DAGLA: variants seen among roughly 807,000 people sequenced by gnomAD.
DAGLA encodes the protein diacylglycerol lipase-alpha.
DAGLA carries 22 observed loss-of-function variants against 102.6 expected under a neutral mutation model. That is an observed-to-expected ratio of 0.21 (90% CI 0.15 to 0.31). The LOEUF is 0.31. DAGLA is among the 10% of genes least tolerant of loss of function. The pLI, the probability that DAGLA is intolerant of heterozygous loss-of-function variation, is 1.00. For missense variants in DAGLA, 927 were observed against 1,446.6 expected (o/e 0.64, Z 5.83); for synonymous variants, 578 against 628.9 (o/e 0.92, Z 1.21).
chr11:61,730,678 C>T (rs1481151783), intron 8 of DAGLA, among the ~76,000 whole-genome samples: 1 of 152,236 alleles, frequency 6.6e-6, no homozygotes, highest in Non-Finnish European at 1.5e-5. Flanking sequence ...TGCTGGGCCT[C>T]AGACACACTG....
At chr11:61,685,226 C>T (rs190019510) in intron 1 of DAGLA, among the ~76,000 whole-genome samples, 87 of 152,250 alleles carry the variant, frequency 5.7e-4, no homozygotes, top group African/African-American at 7.2e-4. Flanking sequence ...GTAAAACCTC[C>T]GAGAGCCGAA....
At chr11:61,705,570 G>A (rs1027946501) in intron 1 of DAGLA, among the ~76,000 whole-genome samples, 1 of 152,190 alleles carries the variant, frequency 6.6e-6, no homozygotes, top group Non-Finnish European at 1.5e-5. Context: ...AGTTCTATAG[G>A]CAGCCTCCCC....
intron 1 of DAGLA, among the ~76,000 whole-genome samples, chr11:61,690,664 T>A (rs954420345): frequency 6.6e-6 from 1 of 152,138 alleles, no homozygotes; most frequent in Admixed American, 6.5e-5. Flanking sequence ...AGGGAATCTG[T>A]TAGAGGCTGC....
chr11:61,731,138 A>G (rs986284622), intron 8 of DAGLA, among the ~76,000 whole-genome samples, 179 bp from the exon 9 acceptor site: 1 of 152,160 alleles, frequency 6.6e-6, no homozygotes, highest in African/African-American at 2.4e-5. Flanking sequence ...GGGAAATGCA[A>G]TTATCACCTG....
intron 1 of DAGLA, 72 bp from the exon 2 acceptor site, chr11:61,720,040 G>A: frequency 1.9e-6 from 2 of 1,056,948 alleles, no homozygotes; most frequent in Admixed American, 4.1e-5. Flanking sequence ...TGGTCCCGTG[G>A]CCCAAGGAAT....
chr11:61,710,632 A>G (rs2065187073), intron 1 of DAGLA, among the ~76,000 whole-genome samples: 1 of 152,022 alleles, frequency 6.6e-6, no homozygotes, highest in South Asian at 2.1e-4. Context: ...CTCCCTTTCC[A>G]AGAAGGCAAG....
At chr11:61,698,566 C>T (rs1317570436) in intron 1 of DAGLA, among the ~76,000 whole-genome samples, 1 of 152,150 alleles carries the variant, frequency 6.6e-6, no homozygotes, top group Non-Finnish European at 1.5e-5. Flanking sequence ...GAAAGGAAAC[C>T]TCGTACCCCA....
At chr11:61,737,030 A>G in intron 13 of DAGLA, 152 bp from the exon 14 acceptor site, 5 of 1,029,774 alleles carry the variant, frequency 4.9e-6, no homozygotes, top group Middle Eastern at 2.2e-4. Flanking sequence ...GTGGGGCCCT[A>G]TCTTGGTTCT....
rs773398416 is a variant in DAGLA at position 61,735,648 on chromosome 11, C to T, written c.1212+4C>T. 2.9e-5 allele frequency: 47 copies of T among 1,613,800 alleles called. No homozygotes were observed. Among genetic ancestry groups the T allele is most frequent in the Admixed American group, 2.3e-4 (14 of 59,992 alleles). On this transcript the variant is annotated splice_donor_region_variant and intron_variant, in intron 11 of 19. Coordinates refer to ENST00000257215, the MANE Select transcript of DAGLA (RefSeq NM_006133.3). ...CCGGGGGACCCTGTCCCCCAAGGTACGCTGCCCATGGCTCCCAGCCCCCGG... is the reference window on the plus strand; with the variant it reads ...CCGGGGGACCCTGTCCCCCAAGGTATGCTGCCCATGGCTCCCAGCCCCCGG...
In DAGLA at chr11:61,744,301, G is replaced by A. The variant is rs753200690; in HGVS notation, c.2941G>A (p.Asp981Asn). Residue 981 changes from aspartate (D) to asparagine (N), a missense_variant, in exon 20 of 20, where the codon GAC (aspartate) becomes AAC (asparagine). This residue lies in a region of DAGLA where 434 missense variants were observed against 503.3 expected (regional missense o/e 0.86). Transcript: ENST00000257215. ...KPPRLFAGSA[D>N]PSSGISLSPS... ...CCCACGGCTCTTTGCCGGCTCAGCC[G>A]ACCCCTCCTCGGGCATCTCACTCTC... is the stretch of plus-strand genomic sequence containing the variant. 23 of 1,612,556 alleles carry A rather than the reference G, an allele frequency of 1.4e-5. No homozygotes were observed. The South Asian group carries it at 1.6e-4, about 12-fold the overall frequency.
In DAGLA at chr11:61,741,119, G is replaced by C. The variant is rs368402656; in HGVS notation, c.1984-43G>C. ...CCACATCGGCCCCACGATGGGGCCT[G>C]ATGTCCCTCCACCACCCCCAGCCTC... On this transcript the variant is annotated intron_variant, in intron 18 of 19. Coordinates refer to ENST00000257215, the MANE Select transcript of DAGLA (RefSeq NM_006133.3). The C allele has an allele frequency of 5.7e-6, 9 of 1,566,170 alleles. No individual in the cohort carries two copies. The Admixed American group carries it at 1.0e-4, about 18-fold the overall frequency.
intron 1 of DAGLA, among the ~76,000 whole-genome samples, chr11:61,692,330 G>A (rs1011419633): frequency 1.3e-5 from 2 of 152,154 alleles, no homozygotes; most frequent in African/African-American, 4.8e-5. Context: ...GCACACTTGA[G>A]CAGTCCTGGC....
At position 61,731,306 on chromosome 11, in the gene DAGLA, C is replaced by T. The variant is rs1185607020; in HGVS notation, c.850-11C>T. On this transcript the variant is annotated splice_polypyrimidine_tract_variant and intron_variant, in intron 8 of 19. Transcript: ENST00000257215. ...GCAGGAGGTGACCGCCCTCTGCCTC[C>T]TCTCTTCTAGCAAGAGATGCTCCGC... 1.2e-6 allele frequency: 2 copies of T among 1,613,414 alleles called. No homozygotes were observed. The highest frequency in any genetic ancestry group is 3.3e-5 in the Admixed American group (2 of 60,000).
At position 61,734,806 on chromosome 11, in the gene DAGLA, C is replaced by G. The variant is rs778170121; in HGVS notation, c.975-43C>G. On this transcript the variant is annotated intron_variant, in intron 9 of 19. Coordinates refer to ENST00000257215, the MANE Select transcript of DAGLA (RefSeq NM_006133.3). This position sits in a 1 kb window ranked among gnomAD's most constrained non-coding sequence, Gnocchi z 4.2. ...CAGTGGCAGGAGACATTTGTTCCCT[C>G]GGGGACTCCCTGGCCCTGAACTCTC... The G allele has an allele frequency of 1.9e-6, 3 of 1,579,206 alleles. No individual in the cohort carries two copies. The South Asian group carries it at 3.4e-5, about 18-fold the overall frequency.
Position 61,740,567 on chromosome 11 carries a change from A to T in DAGLA, c.1958A>T (p.Tyr653Phe), listed in dbSNP as rs772752017. The T allele has an allele frequency of 6.2e-7, 1 of 1,613,714 alleles. No individual in the cohort carries two copies. Among genetic ancestry groups the T allele is most frequent in the Non-Finnish European group, 8.5e-7 (1 of 1,179,936 alleles). Residue 653 changes from tyrosine (Y) to phenylalanine (F), a missense_variant, in exon 18 of 20, where the codon TAT becomes TTT. Around this residue, in one of 4 missense-constraint regions of DAGLA, gnomAD observed 218 missense variants for 459.6 expected, o/e 0.47. Coordinates refer to ENST00000257215, the MANE Select transcript of DAGLA (RefSeq NM_006133.3). ...GCCATGCTGCATGAGCACCTGCCCTATGTGGTCATGGAGGGGCTCAACAAG... is the reference window on the plus strand; with the variant it reads ...GCCATGCTGCATGAGCACCTGCCCTTTGTGGTCATGGAGGGGCTCAACAAG... ...SPAMLHEHLP[Y>F]VVMEGLNKVL...
chr11:61,724,415 C>G (rs2065307710), intron 5 of DAGLA, among the ~76,000 whole-genome samples: 1 of 152,194 alleles, frequency 6.6e-6, no homozygotes, highest in African/African-American at 2.4e-5. Context: ...GTTGTGAGAT[C>G]CATTCTACAG....
intron 1 of DAGLA, among the ~76,000 whole-genome samples, chr11:61,704,062 G>A (rs970632921): frequency 6.6e-6 from 1 of 152,104 alleles, no homozygotes; most frequent in Non-Finnish European, 1.5e-5. Flanking sequence ...AGGGTATGGG[G>A]CAGGATTCTG....
intron 1 of DAGLA, among the ~76,000 whole-genome samples, chr11:61,698,967 G>A (rs1372263097): frequency 6.6e-6 from 1 of 152,234 alleles, no homozygotes; most frequent in Non-Finnish European, 1.5e-5. Context: ...AACAGACTGT[G>A]CAAGGGCACA....
rs1425614455 is a variant in DAGLA at position 61,684,739 on chromosome 11, C to T, written c.-45+4235C>T. Among the ~76,000 whole-genome samples the T allele has an allele frequency of 2.0e-5, 3 of 151,874 alleles. No individual in the cohort carries two copies. Among genetic ancestry groups the T allele is most frequent in the South Asian group, 2.1e-4 (1 of 4,800 alleles). On this transcript the variant is annotated intron_variant, in intron 1 of 19. Transcript: ENST00000257215. This position sits in a 1 kb window ranked among gnomAD's most constrained non-coding sequence, Gnocchi z 4.5. ...TAAGTGTTTCTGTGGGAAGTGAGGG[C>T]GGAGGGGGTGTGGAGCGCCTGGTGG...
Sources: allele counts gnomAD v4.1 joint callset (sites outside exome capture counted in the v4.1 genomes callset), GRCh38; gene constraint gnomAD v4.1.1; regional missense constraint gnomAD v4.1.1; non-coding constraint Gnocchi (gnomAD v3.1); transcripts MANE v1.5; gene names NCBI Gene and HGNC (gene_info 2026-07-23, HGNC 2026-07-21).